Variants in LGR4 observed in about 807,000 individuals in gnomAD.
LGR4 encodes leucine-rich repeat-containing G protein-coupled receptor 4.
Under a neutral mutation model 84.8 loss-of-function variants are expected in LGR4, and 44 were observed. That is an observed-to-expected ratio of 0.52 (90% CI 0.41 to 0.67). LGR4 has a LOEUF of 0.67. Among genes scored for constraint, LGR4 ranks in the 30% least tolerant of loss-of-function variants. The probability of loss-of-function intolerance (pLI) is 0.00; values close to 1 mark genes in which losing one functional copy is unlikely to be tolerated. For synonymous variants in LGR4, 429 were observed against 434.3 expected (o/e 0.99, Z 0.15); for missense variants, 1,032 against 1,131.4 (o/e 0.91, Z 1.26).
chr11:27,403,944 C>G (rs1384661240), intron 2 of LGR4, among the ~76,000 whole-genome samples: 3 of 151,972 alleles, frequency 2.0e-5, no homozygotes, highest in African/African-American at 7.3e-5. Flanking sequence ...AGGTAGTGAA[C>G]AGGGGAAAAT....
chr11:27,461,532 A>C (rs1413039438), intron 1 of LGR4, among the ~76,000 whole-genome samples: 9 of 152,176 alleles, frequency 5.9e-5, no homozygotes, highest in Non-Finnish European at 1.5e-5. Context: ...AAGCTTGTCC[A>C]ACCCACAGCC....
intron 2 of LGR4, among the ~76,000 whole-genome samples, chr11:27,402,483 A>T (rs1043784205): frequency 6.6e-6 from 1 of 152,154 alleles, no homozygotes; most frequent in Non-Finnish European, 1.5e-5. Flanking sequence ...GAATAGTTCT[A>T]CCACCTTGTC....
chr11:27,385,622 T>C (rs1331928321), intron 4 of LGR4, 154 bp from the exon 5 acceptor site: 4 of 565,738 alleles, frequency 7.1e-6, no homozygotes, highest in African/African-American at 5.6e-5. Flanking sequence ...AATAACTTTT[T>C]CATGATCTGT....
At chr11:27,379,459 C>T (rs891841358) in intron 10 of LGR4, among the ~76,000 whole-genome samples, 9 of 152,246 alleles carry the variant, frequency 5.9e-5, no homozygotes, top group African/African-American at 2.2e-4. Context: ...ACCCTCCTCA[C>T]ATTACCTGCT....
chr11:27,380,017 T>C (rs1444517838), intron 10 of LGR4, among the ~76,000 whole-genome samples: 1 of 152,228 alleles, frequency 6.6e-6, no homozygotes, highest in Non-Finnish European at 1.5e-5. Context: ...CTGAAAGCAC[T>C]GCTTCTAATT....
intron 16 of LGR4, 58 bp downstream of exon 16, chr11:27,372,225 A>T: frequency 2.0e-6 from 2 of 987,042 alleles, no homozygotes; most frequent in Non-Finnish European, 3.3e-6. Context: ...TTATAATAAC[A>T]GGAACTTTAA....
intron 5 of LGR4, among the ~76,000 whole-genome samples, chr11:27,384,940 T>G (rs1863159527): frequency 6.6e-6 from 1 of 152,150 alleles, no homozygotes; most frequent in Non-Finnish European, 1.5e-5. Flanking sequence ...CACCTCGAAA[T>G]GACTTCCCTT....
intron 1 of LGR4, among the ~76,000 whole-genome samples, chr11:27,435,461 C>G (rs936061608): frequency 6.6e-5 from 10 of 151,792 alleles, no homozygotes; most frequent in Non-Finnish European, 1.5e-5. Flanking sequence ...CTTATTTGAC[C>G]AAGTGCCTCT....
intron 1 of LGR4, among the ~76,000 whole-genome samples, chr11:27,469,106 C>A (rs1311695636): frequency 6.6e-6 from 1 of 152,176 alleles, no homozygotes; most frequent in Non-Finnish European, 1.5e-5. Flanking sequence ...CAGGCCAGTG[C>A]ATTGTGACAC....
chr11:27,386,106 G>C, intron 4 of LGR4, among the ~76,000 whole-genome samples: 1 of 152,108 alleles, frequency 6.6e-6, no homozygotes, highest in South Asian at 2.1e-4. Flanking sequence ...AAAATTAACA[G>C]TTATTAAGGT....
chr11:27,443,582 T>A (rs1240606350), intron 1 of LGR4, among the ~76,000 whole-genome samples: 2 of 152,186 alleles, frequency 1.3e-5, no homozygotes, highest in African/African-American at 4.8e-5. Context: ...TAAGGCTGAA[T>A]CCATACGCAA....
intron 1 of LGR4, among the ~76,000 whole-genome samples, chr11:27,431,114 G>C (rs1329573305): frequency 2.0e-5 from 3 of 151,980 alleles, no homozygotes; most frequent in African/African-American, 7.3e-5. Context: ...CCTCTGTCTA[G>C]TTATCATTGG....
chr11:27,440,150 C>T (rs1367390967), intron 1 of LGR4, among the ~76,000 whole-genome samples: 1 of 152,102 alleles, frequency 6.6e-6, no homozygotes, highest in Admixed American at 6.5e-5. Context: ...AGGTGATCTG[C>T]CCGCCTCGGC....
At chr11:27,430,784 C>G (rs1864102207) in intron 1 of LGR4, among the ~76,000 whole-genome samples, 1 of 152,130 alleles carries the variant, frequency 6.6e-6, no homozygotes, top group Non-Finnish European at 1.5e-5. Flanking sequence ...AACAAGAAGA[C>G]AATTCATGCC....
intron 2 of LGR4, among the ~76,000 whole-genome samples, chr11:27,397,682 T>C (rs1863416164): frequency 6.6e-6 from 1 of 152,232 alleles, no homozygotes; most frequent in African/African-American, 2.4e-5. Flanking sequence ...CGACATATGC[T>C]GGAAGCATAT....
chr11:27,393,951 G>GGGGGGGGGGGA (rs1863336768), intron 2 of LGR4, among the ~76,000 whole-genome samples: 1 of 119,258 alleles, frequency 8.4e-6, no homozygotes, highest in Non-Finnish European at 1.8e-5. Flanking sequence ...GGGGGGGGGG[G>GGGGGGGGGGGA]GGGCGCGGGA....
chr11:27,421,235 G>C (rs934060845), intron 1 of LGR4, among the ~76,000 whole-genome samples: 3 of 152,076 alleles, frequency 2.0e-5, no homozygotes, highest in Non-Finnish European at 4.4e-5. Flanking sequence ...AATCTATCAT[G>C]ATTACTCCTA....
At chr11:27,426,253 G>A (rs949817849) in intron 1 of LGR4, among the ~76,000 whole-genome samples, 1 of 152,194 alleles carries the variant, frequency 6.6e-6, no homozygotes. Context: ...TTTCCTCCCT[G>A]TCTATTGCTA....
intron 13 of LGR4, among the ~76,000 whole-genome samples, chr11:27,374,985 A>G (rs1373256721): frequency 6.6e-6 from 1 of 152,076 alleles, no homozygotes; most frequent in Non-Finnish European, 1.5e-5. Context: ...AACTTTTTCT[A>G]TAATAGAAAA....
Sources: allele counts gnomAD v4.1 joint callset (sites outside exome capture counted in the v4.1 genomes callset), GRCh38; gene constraint gnomAD v4.1.1; transcripts MANE v1.5; gene names NCBI Gene and HGNC (gene_info 2026-07-23, HGNC 2026-07-21).